Variants in ST8SIA4 observed in about 807,000 individuals in gnomAD.
The protein encoded by ST8SIA4 is CMP-N-acetylneuraminate-poly-alpha-2,8-sialyltransferase.
In ST8SIA4, 15 loss-of-function variants were observed where a neutral mutation model predicts 33.9. That is an observed-to-expected ratio of 0.44 (90% confidence interval 0.30 to 0.68). ST8SIA4 has a LOEUF of 0.68. Ranked by LOEUF, ST8SIA4 falls within the 30% of genes least tolerant of loss-of-function variation. The pLI is 0.10. For missense variants in ST8SIA4, 321 were observed against 428.0 expected (o/e 0.75, Z 2.21); for synonymous variants, 171 against 151.2 (o/e 1.13, Z -0.96).
chr5:100,839,487 T>C (rs1751431482), intron 4 of ST8SIA4, among the ~76,000 whole-genome samples: 1 of 151,944 alleles, frequency 6.6e-6, no homozygotes, highest in African/African-American at 2.4e-5. Context: ...ATTTTAGAAT[T>C]ATTTAAAAAC....
rs571294361 is a variant in ST8SIA4, at chr5:100,821,604, C to G, written c.798-9475G>C. Among the ~76,000 whole-genome samples, 31 of 152,130 alleles carry G rather than the reference C, an allele frequency of 2.0e-4. 1 individual carries two copies. In the East Asian group the frequency reaches 4.1e-3, roughly 20 times the overall value. ...CAGATAGTTGTGCTAAAATCAATTT[C>G]AAGAAAAGTAAGGAACAACAAATGT... On this transcript the variant is annotated intron_variant, in intron 4 of 4. Transcript: ENST00000231461.
intron 3 of ST8SIA4, among the ~76,000 whole-genome samples, chr5:100,864,509 A>G (rs1752019751): frequency 7.3e-6 from 1 of 137,600 alleles, no homozygotes; most frequent in Admixed American, 8.0e-5. Context: ...TGGGAGTTGG[A>G]GCTTGCAGTG....
chr5:100,878,950 A>G (rs1420196608), intron 3 of ST8SIA4, among the ~76,000 whole-genome samples: 1 of 152,200 alleles, frequency 6.6e-6, no homozygotes, highest in Non-Finnish European at 1.5e-5. Context: ...GTGAGACAAA[A>G]TGCAAACAAC....
chr5:100,826,467 A>G (rs1751146024), intron 4 of ST8SIA4, among the ~76,000 whole-genome samples: 1 of 152,190 alleles, frequency 6.6e-6, no homozygotes, highest in Non-Finnish European at 1.5e-5. Context: ...GGAATATGAT[A>G]GGTACTTGGG....
chr5:100,899,015 A>C (rs980350855), intron 1 of ST8SIA4, among the ~76,000 whole-genome samples: 1 of 152,212 alleles, frequency 6.6e-6, no homozygotes, highest in Non-Finnish European at 1.5e-5. Context: ...TAGGTAACCT[A>C]GTGTCTACAA....
chr5:100,832,763 A>G (rs922388152), intron 4 of ST8SIA4, among the ~76,000 whole-genome samples: 1 of 151,434 alleles, frequency 6.6e-6, no homozygotes, highest in African/African-American at 2.4e-5. Flanking sequence ...CACCAACCCA[A>G]CTCTTCAGGA....
chr5:100,889,614 A>T (rs1303245714), intron 2 of ST8SIA4, among the ~76,000 whole-genome samples: 2 of 151,996 alleles, frequency 1.3e-5, no homozygotes, highest in Admixed American at 1.3e-4. Flanking sequence ...TTGCAAAAAT[A>T]ATGTAAAACA....
At chr5:100,901,601 A>G (rs1752916059) in intron 1 of ST8SIA4, among the ~76,000 whole-genome samples, 1 of 152,060 alleles carries the variant, frequency 6.6e-6, no homozygotes, top group Admixed American at 6.5e-5. Context: ...CTCAGAATAG[A>G]CCATGTATAG....
intron 3 of ST8SIA4, among the ~76,000 whole-genome samples, chr5:100,863,608 C>T (rs1751996042): frequency 6.6e-6 from 1 of 152,000 alleles, no homozygotes; most frequent in Admixed American, 6.6e-5. Flanking sequence ...CCAGTATGAA[C>T]AACTACACAT....
intron 3 of ST8SIA4, among the ~76,000 whole-genome samples, chr5:100,881,463 AT>A (rs937583938): frequency 3.3e-5 from 5 of 152,126 alleles, no homozygotes; most frequent in African/African-American, 9.7e-5. Flanking sequence ...TTTTAAAAGT[AT>A]TTTTTTCACA....
intron 4 of ST8SIA4, among the ~76,000 whole-genome samples, chr5:100,854,241 T>A (rs1389625668): frequency 1.3e-5 from 2 of 151,948 alleles, no homozygotes; most frequent in Non-Finnish European, 2.9e-5. Context: ...TGAAACTTCC[T>A]GTCAACCACC....
intron 4 of ST8SIA4, among the ~76,000 whole-genome samples, chr5:100,824,483 TC>T (rs756022980): frequency 3.3e-5 from 5 of 152,200 alleles, no homozygotes; most frequent in Non-Finnish European, 7.4e-5. Context: ...AGGCTATGAA[TC>T]CATAAAATTT....
chr5:100,895,371 T>A (rs150225371), intron 2 of ST8SIA4, among the ~76,000 whole-genome samples: 125 of 152,114 alleles, frequency 8.2e-4, no homozygotes, highest in African/African-American at 2.9e-3. Flanking sequence ...AGTAATTGAG[T>A]GAAGTATGTT....
At chr5:100,847,496 C>T (rs1751594213) in intron 4 of ST8SIA4, among the ~76,000 whole-genome samples, 1 of 151,968 alleles carries the variant, frequency 6.6e-6, no homozygotes. Flanking sequence ...AGACTTTAAC[C>T]TTTACTTTCA....
At chr5:100,830,399 G>C (rs1190758038) in intron 4 of ST8SIA4, among the ~76,000 whole-genome samples, 1 of 152,136 alleles carries the variant, frequency 6.6e-6, no homozygotes, top group Non-Finnish European at 1.5e-5. Flanking sequence ...AATTTGTAAA[G>C]TGCTTTAAGT....
In ST8SIA4 at chr5:100,903,124, T is replaced by C. The variant is rs1752960962; in HGVS notation, c.-169A>G. 1 of 599,526 alleles carries C rather than the reference T, an allele frequency of 1.7e-6. No homozygotes were observed. Among genetic ancestry groups the C allele is most frequent in the Non-Finnish European group, 3.0e-6 (1 of 338,660 alleles). 37.1% of individuals were successfully genotyped at this position (599,526 alleles called of 1,614,324 possible). ...TGGGGTCTTCTGTGGCCGAGCTCCCTCTGGTCCTCGAACGCTGCCCAGCGA... is the reference window on the plus strand; with the variant it reads ...TGGGGTCTTCTGTGGCCGAGCTCCCCCTGGTCCTCGAACGCTGCCCAGCGA... On this transcript the variant is annotated 5_prime_UTR_variant, in exon 1 of 5. Coordinates refer to ENST00000231461, the MANE Select transcript of ST8SIA4 (RefSeq NM_005668.6).
chr5:100,886,089 TC>T (rs1752528985), intron 3 of ST8SIA4: 2 of 1,210,292 alleles, frequency 1.7e-6, no homozygotes, highest in Admixed American at 4.1e-5. Flanking sequence ...GCCATTTGCC[TC>T]CCCCCTCACC....
intron 4 of ST8SIA4, among the ~76,000 whole-genome samples, chr5:100,840,200 C>T (rs540663107): frequency 1.4e-4 from 21 of 151,588 alleles, no homozygotes; most frequent in African/African-American, 4.8e-4. Context: ...TTCCTTTCAC[C>T]CTTTTATTTT....
At chr5:100,839,519 T>C (rs192933556) in intron 4 of ST8SIA4, among the ~76,000 whole-genome samples, 5 of 152,116 alleles carry the variant, frequency 3.3e-5, no homozygotes, top group African/African-American at 1.2e-4. Context: ...GTTTGAACTA[T>C]AAATCCCTAG....
Sources: allele counts gnomAD v4.1 joint callset (sites outside exome capture counted in the v4.1 genomes callset), GRCh38; gene constraint gnomAD v4.1.1; transcripts MANE v1.5; gene names NCBI Gene and HGNC (gene_info 2026-07-23, HGNC 2026-07-21).